Variants in NSDHL observed in about 807,000 individuals in gnomAD.
NSDHL encodes NAD(P) dependent 3-beta-hydroxysteroid dehydrogenase NSDHL.
A neutral mutation model predicts 23.0 loss-of-function variants in NSDHL; 1 was observed. That is an observed-to-expected ratio of 0.04 (90% CI 0.02 to 0.21). The LOEUF is 0.21. Ranked by LOEUF, NSDHL falls within the 10% of genes least tolerant of loss-of-function variation. The pLI, the probability that NSDHL is intolerant of heterozygous loss-of-function variation, is 1.00. For missense variants in NSDHL, 237 were observed against 300.9 expected (o/e 0.79, Z 1.57); for synonymous variants, 128 against 121.1 (o/e 1.06, Z -0.37).
intron 5 of NSDHL, among the ~76,000 whole-genome samples, chrX:152,864,152 G>A (rs1933571372): frequency 9.0e-6 from 1 of 111,660 alleles, no homozygotes; most frequent in South Asian, 3.7e-4. Flanking sequence ...CTCATGATCT[G>A]CCCGCCTTGG....
rs1406220647 is a variant in NSDHL, at chrX:152,850,338, G to A, written c.182G>A (p.Gly61Glu). Reference sequence around the variant, plus strand: ...ATGGTGGAGCAGTTGCTGGCAAGAGGATATGCTGTCAATGTATTTGATATC... The same window carrying A: ...ATGGTGGAGCAGTTGCTGGCAAGAGAATATGCTGTCAATGTATTTGATATC... ...QHMVEQLLAR[G>E]YAVNVFDIQQ... The change falls in exon 3 of 8, where the codon GGA becomes GAA. Residue 61 changes from glycine to glutamate, a missense_variant. Physicochemically the swap from Gly to Glu is moderately conservative, Grantham distance 98 (BLOSUM62 -2). Transcript: ENST00000370274. The A allele has an allele frequency of 8.3e-7, 1 of 1,207,090 alleles. No homozygotes were observed. The highest frequency in any genetic ancestry group is 1.1e-6 in the Non-Finnish European group (1 of 892,756).
At position 152,832,702 on chromosome X, in the gene NSDHL, T is replaced by G. The variant is rs782026343; in HGVS notation, c.-44+1585T>G. Among the ~76,000 whole-genome samples, 13 of 112,070 alleles carry G rather than the reference T, an allele frequency of 1.2e-4. No individual in the cohort carries two copies. The South Asian group carries it at 3.0e-3, about 26-fold the overall frequency. On this transcript the variant is annotated intron_variant, in intron 1 of 7. Coordinates refer to ENST00000370274, the MANE Select transcript of NSDHL (RefSeq NM_015922.3). ...ACAGAGTACAAGGGAAAAACACAAG[T>G]TCTGCGCAGGCTGTGTGCAGGCTGT...
chrX:152,867,269 A>AG (rs1185519063), intron 6 of NSDHL, among the ~76,000 whole-genome samples: 2 of 112,173 alleles, frequency 1.8e-5, no homozygotes, highest in Admixed American at 9.4e-5. Flanking sequence ...TCTCCTGGGA[A>AG]GGGGCTGAAA....
At chrX:152,844,626 G>A (rs1456040196) in intron 1 of NSDHL, among the ~76,000 whole-genome samples, 2 of 112,702 alleles carry the variant, frequency 1.8e-5, no homozygotes, top group Non-Finnish European at 3.8e-5. Context: ...TAAGAAGCCA[G>A]CAGTGGGCAT....
At chrX:152,861,707 A>G (rs1321112230) in intron 4 of NSDHL, among the ~76,000 whole-genome samples, 1 of 112,743 alleles carries the variant, frequency 8.9e-6, no homozygotes, top group African/African-American at 3.2e-5. Context: ...TTACTTCGTA[A>G]AGATTTTGCA....
At chrX:152,847,345 C>T (rs1355279416) in intron 2 of NSDHL, among the ~76,000 whole-genome samples, 4 of 111,800 alleles carry the variant, frequency 3.6e-5, no homozygotes, top group African/African-American at 1.3e-4. Flanking sequence ...AACGTAATTA[C>T]ATCAAGACAA....
At chrX:152,834,951 G>C (rs1933068386) in intron 1 of NSDHL, among the ~76,000 whole-genome samples, 2 of 111,719 alleles carry the variant, frequency 1.8e-5, no homozygotes, top group Admixed American at 9.6e-5. Context: ...CTTGTGCAAG[G>C]GTGGGGCTCC....
intron 1 of NSDHL, among the ~76,000 whole-genome samples, chrX:152,842,143 T>G (rs782603762): frequency 8.9e-6 from 1 of 112,656 alleles, no homozygotes; most frequent in African/African-American, 3.2e-5. Flanking sequence ...TCCTACCTTT[T>G]GGCTGTAGTG....
rs1556845597 is a variant in NSDHL at position 152,846,428 on chromosome X, A to C, written c.104A>C (p.Asn35Thr). 1 of 1,172,723 alleles carries C rather than the reference A, an allele frequency of 8.5e-7. No homozygotes were observed. The highest frequency in any genetic ancestry group is 2.2e-5 in the Admixed American group (1 of 46,069). Residue 35 changes from asparagine (N) to threonine (T), a missense_variant, in exon 2 of 8, where the codon AAT (asparagine) becomes ACT (threonine). By Grantham distance (65) the Asn-to-Thr change is moderately conservative (BLOSUM62 0). Transcript: ENST00000370274. ...VNADIEKVNQ[N>T]QAKRCTVIGG... ...GCTGACATAGAAAAGGTTAACCAGA[A>C]TCAGGTAAGGAGAAAGTTGACACGT...
chrX:152,836,732 A>T (rs1392250428), intron 1 of NSDHL, among the ~76,000 whole-genome samples: 1 of 112,142 alleles, frequency 8.9e-6, no homozygotes, highest in Non-Finnish European at 1.9e-5. Flanking sequence ...GAAGTCAAGT[A>T]GTATGATGCC....
chrX:152,865,701 A>C lies in NSDHL; in HGVS notation c.544-118A>C, dbSNP rs988233975. 3.2e-6 allele frequency: 3 copies of C among 924,937 alleles called. No individual in the cohort carries two copies. In the South Asian group the frequency reaches 5.9e-5, roughly 18 times the overall value. 76.2% of individuals were successfully genotyped at this position (924,937 alleles called of 1,213,427 possible). A position where few individuals can be genotyped will look rare whatever the true frequency, so the allele number is the denominator to read the frequency against. Reference sequence around the variant, plus strand: ...GACCACTGCTCAGTGGCCACATGCCAGCAGAGTGTGTCATCTGTCTGTCCC... The same window carrying C: ...GACCACTGCTCAGTGGCCACATGCCCGCAGAGTGTGTCATCTGTCTGTCCC... On this transcript the variant is annotated intron_variant, in intron 5 of 7. Coordinates refer to ENST00000370274, the MANE Select transcript of NSDHL (RefSeq NM_015922.3).
intron 6 of NSDHL, 26 bp from the exon 7 acceptor site, chrX:152,867,545 T>C (rs1556848231): frequency 9.2e-7 from 1 of 1,092,564 alleles, no homozygotes; most frequent in Middle Eastern, 2.4e-4. Flanking sequence ...CCAGCACGTA[T>C]TCCATCATCC....
intron 2 of NSDHL, among the ~76,000 whole-genome samples, chrX:152,848,839 G>A (rs1556845923): frequency 8.9e-6 from 1 of 112,361 alleles, no homozygotes; most frequent in African/African-American, 3.2e-5. Context: ...TGCTAGAAAA[G>A]GGATTGATGT....
chrX:152,851,627 T>C (rs1160281426), intron 3 of NSDHL, among the ~76,000 whole-genome samples: 1 of 110,672 alleles, frequency 9.0e-6, no homozygotes, highest in Non-Finnish European at 1.9e-5. Context: ...ACATCTTTCA[T>C]GCTCATCATT....
chrX:152,865,483 T>G (rs2125015657), intron 5 of NSDHL, among the ~76,000 whole-genome samples: 1 of 113,211 alleles, frequency 8.8e-6, no homozygotes, highest in South Asian at 3.6e-4. Context: ...CACAAACTGC[T>G]GCCGAGGCAT....
In NSDHL at chrX:152,868,781, C is replaced by G. The variant is rs2125017342; in HGVS notation, c.790-3C>G. On this transcript the variant is annotated splice_polypyrimidine_tract_variant and splice_region_variant and intron_variant, in intron 7 of 7. Coordinates refer to ENST00000370274, the MANE Select transcript of NSDHL (RefSeq NM_015922.3). ...TAACTTCTTGTTCTTGTTCTCCCGC[C>G]AGGCATTTCACATCACCAATGATGA... is the stretch of plus-strand genomic sequence containing the variant. 8.3e-7 allele frequency: 1 copy of G among 1,206,621 alleles called. No homozygotes were observed. The highest frequency in any genetic ancestry group is 1.1e-6 in the Non-Finnish European group (1 of 891,916).
chrX:152,838,341 C>CT (rs1933134695), intron 1 of NSDHL, among the ~76,000 whole-genome samples: 1 of 111,541 alleles, frequency 9.0e-6, no homozygotes, highest in African/African-American at 3.3e-5. Context: ...CTTCTGCTAG[C>CT]TTGTGAATGT....
chrX:152,867,243 A>G (rs1569475217), intron 6 of NSDHL, among the ~76,000 whole-genome samples: 1 of 112,049 alleles, frequency 8.9e-6, no homozygotes, highest in South Asian at 3.7e-4. Context: ...GACCAGAGCA[A>G]GGCGTTGGCC....
chrX:152,848,994 T>C (rs1933316202), intron 2 of NSDHL, among the ~76,000 whole-genome samples: 1 of 111,740 alleles, frequency 8.9e-6, no homozygotes, highest in Non-Finnish European at 1.9e-5. Context: ...TAGTTTTGGG[T>C]GGTAGAAGAA....
Sources: allele counts gnomAD v4.1 joint callset (sites outside exome capture counted in the v4.1 genomes callset), GRCh38; gene constraint gnomAD v4.1.1; transcripts MANE v1.5; gene names NCBI Gene and HGNC (gene_info 2026-07-23, HGNC 2026-07-21).